Variants in BCKDHB observed in about 807,000 individuals in gnomAD.
The protein encoded by BCKDHB is 2-oxoisovalerate dehydrogenase subunit beta, mitochondrial.
Under a neutral mutation model 48.5 loss-of-function variants are expected in BCKDHB, and 41 were observed. That is an observed-to-expected ratio of 0.85 (90% CI 0.66 to 1.10). The LOEUF (loss-of-function observed/expected upper bound fraction) is 1.10. Ranked by LOEUF, BCKDHB falls within the 50% of genes least tolerant of loss-of-function variation. The pLI, the probability that BCKDHB is intolerant of heterozygous loss-of-function variation, is 0.00. For synonymous variants in BCKDHB, 201 were observed against 174.8 expected, an observed-to-expected ratio of 1.15 and a Z score of -1.18; for missense variants, 496 against 494.2, an observed-to-expected ratio of 1.00 and a Z score of -0.03.
At chr6:80,139,379 A>G (rs1771066077) in intron 3 of BCKDHB, among the ~76,000 whole-genome samples, 1 of 152,098 alleles carries the variant, frequency 6.6e-6, no homozygotes. Context: ...GTCCTTGCCC[A>G]TGCCTATGTC....
the BCKDHB span, among the ~76,000 whole-genome samples, chr6:80,355,144 ATTTG>A: frequency 1.3e-5 from 2 of 152,190 alleles, no homozygotes; most frequent in South Asian, 2.1e-4. Flanking sequence ...ATGTTTTTCC[ATTTG>A]TTTGTGTCAT....
intron 3 of BCKDHB, among the ~76,000 whole-genome samples, chr6:80,138,989 G>A (rs1771041532): frequency 6.6e-6 from 1 of 152,102 alleles, no homozygotes; most frequent in South Asian, 2.1e-4. Flanking sequence ...TTTAATGATT[G>A]CCATTCTAAC....
chr6:80,446,036 G>C, the BCKDHB span, among the ~76,000 whole-genome samples: 62 of 152,304 alleles, frequency 4.1e-4, no homozygotes, highest in East Asian at 0.01. Flanking sequence ...TATACAGAGA[G>C]CCAAGGAATG....
intron 9 of BCKDHB, among the ~76,000 whole-genome samples, chr6:80,308,759 T>A (rs1768005529): frequency 6.6e-6 from 1 of 151,808 alleles, no homozygotes; most frequent in Admixed American, 6.6e-5. Context: ...CACGCCCGGC[T>A]AATTTTTTTG....
intron 3 of BCKDHB, among the ~76,000 whole-genome samples, chr6:80,163,366 C>G (rs1772417655): frequency 6.7e-6 from 1 of 149,632 alleles, no homozygotes; most frequent in South Asian, 2.1e-4. Flanking sequence ...ATGTTAAGGT[C>G]ACCAATGATA....
chr6:80,371,738 G>T, the BCKDHB span, among the ~76,000 whole-genome samples: 5 of 151,992 alleles, frequency 3.3e-5, no homozygotes, highest in Admixed American at 2.0e-4. Flanking sequence ...GTTAAACAGG[G>T]TATCTTTTCC....
chr6:80,301,056 A>G (rs1767553588), intron 9 of BCKDHB, among the ~76,000 whole-genome samples: 1 of 152,134 alleles, frequency 6.6e-6, no homozygotes, highest in South Asian at 2.1e-4. Flanking sequence ...AGAAAAGTTT[A>G]TAGCCCTAAA....
chr6:80,301,358 A>G (rs1194753449), intron 9 of BCKDHB, among the ~76,000 whole-genome samples: 1 of 152,152 alleles, frequency 6.6e-6, no homozygotes, highest in African/African-American at 2.4e-5. Context: ...AGATGACATA[A>G]CAGCTGATCC....
intron 9 of BCKDHB, among the ~76,000 whole-genome samples, chr6:80,325,134 T>G (rs578089955): frequency 1.3e-5 from 2 of 152,256 alleles, no homozygotes; most frequent in South Asian, 4.1e-4. Context: ...GAGAAAAAAA[T>G]CTGTGGTGTT....
the BCKDHB span, among the ~76,000 whole-genome samples, chr6:80,422,744 T>C: frequency 8.5e-5 from 13 of 152,334 alleles, no homozygotes; most frequent in African/African-American, 3.1e-4. Flanking sequence ...GTGGCCTCTT[T>C]GTTTTGGCCA....
chr6:80,124,906 A>T (rs995038403), intron 1 of BCKDHB, among the ~76,000 whole-genome samples: 9 of 152,156 alleles, frequency 5.9e-5, no homozygotes, highest in African/African-American at 2.2e-4. Context: ...GGGTGCTAGG[A>T]CTTTCAGAAT....
chr6:80,460,531 G>A, the BCKDHB span, among the ~76,000 whole-genome samples: 1 of 152,068 alleles, frequency 6.6e-6, no homozygotes, highest in Non-Finnish European at 1.5e-5. Context: ...CTTGATAAAG[G>A]AAGCAAAACA....
chr6:80,435,428 C>T, the BCKDHB span, among the ~76,000 whole-genome samples: 1 of 152,142 alleles, frequency 6.6e-6, no homozygotes, highest in Non-Finnish European at 1.5e-5. Context: ...TCAACTCATT[C>T]ATAACTTTAT....
At chr6:80,389,204 G>A in the BCKDHB span, among the ~76,000 whole-genome samples, 1 of 152,202 alleles carries the variant, frequency 6.6e-6, no homozygotes, top group South Asian at 2.1e-4. Context: ...TCTTTCCCCA[G>A]CCACCCCTGT....
At chr6:80,323,139 G>C (rs1000039436) in intron 9 of BCKDHB, among the ~76,000 whole-genome samples, 13 of 151,884 alleles carry the variant, frequency 8.6e-5, no homozygotes, top group African/African-American at 3.1e-4. Flanking sequence ...TGAAGGTTCA[G>C]CCCTCTCATA....
rs73748788 is a variant in BCKDHB, at chr6:80,307,950, T to C, written c.1038+34729T>C. The C allele has an allele frequency of 3.8e-3, 3,634 of 961,076 alleles. 92 individuals carry two copies. The African/African-American group carries it at 0.058, about 15-fold the overall frequency. 59.5% of individuals were successfully genotyped at this position (961,076 alleles called of 1,614,324 possible). ...CTACTTTACATTTTATTCAATTTAA[T>C]CTAGCAAAAAATTTTGAATGCCAGA... is the stretch of plus-strand genomic sequence containing the variant. On this transcript the variant is annotated intron_variant, in intron 9 of 9. Transcript: ENST00000320393.
chr6:80,376,760 A>G, the BCKDHB span, among the ~76,000 whole-genome samples: 20 of 152,308 alleles, frequency 1.3e-4, no homozygotes, highest in African/African-American at 4.1e-4. Context: ...GTGTGGGCAG[A>G]TTATAAGAAA....
chr6:80,413,839 T>C, the BCKDHB span, among the ~76,000 whole-genome samples: 1 of 152,228 alleles, frequency 6.6e-6, no homozygotes, highest in Admixed American at 6.5e-5. Flanking sequence ...CTGGGTCATA[T>C]AGAATTTCTG....
the BCKDHB span, among the ~76,000 whole-genome samples, chr6:80,372,199 A>C: frequency 2.6e-5 from 4 of 151,028 alleles, no homozygotes; most frequent in East Asian, 7.8e-4. Flanking sequence ...GTCCTTGTTT[A>C]GGTATATTCC....
Sources: gnomAD v4.1 joint callset for allele counts (sites outside exome capture counted in the v4.1 genomes callset) on GRCh38, gnomAD v4.1.1 for gene constraint, MANE v1.5 for transcripts, NCBI Gene and HGNC (gene_info 2026-07-23, HGNC 2026-07-21) for gene names.